UTRN: variants seen among roughly 807,000 people sequenced by gnomAD.
The protein encoded by UTRN is utrophin, also known as dystrophin-related protein 1.
UTRN carries 283 observed loss-of-function variants against 463.9 expected under a neutral mutation model. The ratio of observed to expected loss-of-function variants is 0.61; its 90% CI spans 0.55 to 0.67. The LOEUF (loss-of-function observed/expected upper bound fraction) is 0.67. UTRN is among the 30% of genes least tolerant of loss of function. UTRN has a pLI of 0.00. For missense variants in UTRN, 3,922 were observed against 4,084.3 expected (o/e 0.96, Z 1.08); for synonymous variants, 1,442 against 1,431.5 (o/e 1.01, Z -0.17).
chr6:144,485,406 G>A lies in UTRN; in HGVS notation c.3709G>A (p.Glu1237Lys). ...TTAGGAGGTCTGGTCTTGTTGGATTGAACTGCTTCACTATTTGGATCTTGA... is the reference window on the plus strand; with the variant it reads ...TTAGGAGGTCTGGTCTTGTTGGATTAAACTGCTTCACTATTTGGATCTTGA... ...TLEEVWSCWI[E>K]LLHYLDLETT... is the part of the protein sequence containing the mutation. Residue 1237 changes from glutamate to lysine, a missense_variant, in exon 28 of 75, where the codon GAA becomes AAA. By Grantham distance (56) the Glu-to-Lys change is moderately conservative (BLOSUM62 1). This residue lies in a region of UTRN where 2,349 missense variants were observed against 2,303.8 expected (regional missense o/e 1.02). Transcript: ENST00000367545. The A allele has an allele frequency of 6.2e-7, 1 of 1,614,102 alleles. No homozygotes were observed. Among genetic ancestry groups the A allele is most frequent in the Non-Finnish European group, 8.5e-7 (1 of 1,180,006 alleles).
intron 2 of UTRN, among the ~76,000 whole-genome samples, chr6:144,323,574 T>G (rs1243219247): frequency 6.6e-6 from 1 of 152,256 alleles, no homozygotes; most frequent in East Asian, 1.9e-4. Context: ...TAGCAATTAC[T>G]TTTATCTTTT....
At chr6:144,676,859 T>G (rs1313328255) in intron 51 of UTRN, among the ~76,000 whole-genome samples, 1 of 152,228 alleles carries the variant, frequency 6.6e-6, no homozygotes, top group Non-Finnish European at 1.5e-5. Flanking sequence ...TAGTTATAGT[T>G]ATGTAATATC....
chr6:144,522,706 C>G (rs1445923177), intron 40 of UTRN, among the ~76,000 whole-genome samples: 4 of 152,112 alleles, frequency 2.6e-5, no homozygotes, highest in Non-Finnish European at 5.9e-5. Context: ...GAAAATATCA[C>G]TATTTCCAGC....
intron 51 of UTRN, among the ~76,000 whole-genome samples, chr6:144,626,694 C>A (rs1775977614): frequency 6.6e-6 from 1 of 152,138 alleles, no homozygotes; most frequent in Non-Finnish European, 1.5e-5. Flanking sequence ...GCTAGAGATG[C>A]AGTGGCACAA....
chr6:144,810,976 T>C (rs188540463), intron 65 of UTRN, among the ~76,000 whole-genome samples: 1 of 152,336 alleles, frequency 6.6e-6, no homozygotes, highest in African/African-American at 2.4e-5. Flanking sequence ...GTATTCTTGT[T>C]GATATTGATT....
At chr6:144,720,424 C>T (rs1468456807) in intron 53 of UTRN, among the ~76,000 whole-genome samples, 1 of 152,184 alleles carries the variant, frequency 6.6e-6, no homozygotes, top group African/African-American at 2.4e-5. Flanking sequence ...ACACCAGTAG[C>T]ATCCAAAGAG....
intron 58 of UTRN, among the ~76,000 whole-genome samples, chr6:144,766,055 C>T (rs1053688246): frequency 9.9e-5 from 15 of 151,788 alleles, no homozygotes; most frequent in Non-Finnish European, 5.9e-5. Flanking sequence ...ATAAGTTATT[C>T]CTGCAGCTTT....
rs1398175455 is a variant in UTRN at position 144,700,177 on chromosome 6, G to A, written c.7743G>A (p.Glu2581=). 1.2e-6 allele frequency: 2 copies of A among 1,613,438 alleles called. No individual in the cohort carries two copies. The highest frequency in any genetic ancestry group is 1.1e-5 in the South Asian group (1 of 91,052). ...AATGGCTGAATATGAAAGATGAAGA[G>A]CTTAAGAAACAAATGCCTATTGGAG... The part of the protein sequence containing the change: ...LIKWLNMKDE[E]LKKQMPIGGD... The change falls in exon 53 of 75, where the codon GAG becomes GAA. Residue 2581 remains glutamate (E), a synonymous_variant. Coordinates refer to ENST00000367545, the MANE Select transcript of UTRN (RefSeq NM_007124.3).
chr6:144,464,710 G>A (rs1355362009), intron 23 of UTRN, among the ~76,000 whole-genome samples: 1 of 152,062 alleles, frequency 6.6e-6, no homozygotes, highest in East Asian at 1.9e-4. Context: ...ATGTTGGCCA[G>A]GCTGGTCTCA....
rs145903790 is a variant in UTRN, at chr6:144,559,300, A to G, written c.7289+1989A>G. On this transcript the variant is annotated intron_variant, in intron 50 of 74. Transcript: ENST00000367545. ...TGTCCTTATTGTGTTTTCTCTCTGC[A>G]TTTTCCGGGGGGTGGAAATAAGTAA... Among the ~76,000 whole-genome samples the G allele has an allele frequency of 3.3e-5, 5 of 152,094 alleles. No individual in the cohort carries two copies. In the East Asian group the frequency reaches 7.7e-4, roughly 24 times the overall value.
intron 66 of UTRN, among the ~76,000 whole-genome samples, chr6:144,826,732 G>A (rs1780221443): frequency 6.6e-6 from 1 of 152,122 alleles, no homozygotes; most frequent in South Asian, 2.1e-4. Flanking sequence ...ATCTCAGGAA[G>A]TTGCCTTCAG....
Position 144,851,625 on chromosome 6 carries a change from A to G in UTRN, c.*628A>G, listed in dbSNP as rs1431285997. 2 of 152,322 alleles carry G rather than the reference A, an allele frequency of 1.3e-5. No homozygotes were observed. Among genetic ancestry groups the G allele is most frequent in the African/African-American group, 4.8e-5 (2 of 41,446 alleles). The allele number at this position is 152,322 out of a possible 1,614,324, so 9.4% of individuals were successfully genotyped here. A position where few individuals can be genotyped will look rare whatever the true frequency, so the allele number is the denominator to read the frequency against. ...TATATACACACATATGGTTTAAGCT[A>G]CAGCCCTGTGTATGCCGTTTAACTT... On this transcript the variant is annotated 3_prime_UTR_variant, in exon 75 of 75. Coordinates refer to ENST00000367545, the MANE Select transcript of UTRN (RefSeq NM_007124.3).
At chr6:144,342,992 G>A (rs1777264462) in intron 2 of UTRN, among the ~76,000 whole-genome samples, 1 of 151,466 alleles carries the variant, frequency 6.6e-6, no homozygotes, top group Admixed American at 6.6e-5. Context: ...GAGAGAGAGA[G>A]TATTTTGCCA....
rs1005137841 is a variant in UTRN at position 144,332,670 on chromosome 6, A to G, written c.79+40763A>G. Among the ~76,000 whole-genome samples, 5 of 152,188 alleles carry G rather than the reference A, an allele frequency of 3.3e-5. No individual in the cohort carries two copies. In the East Asian group the frequency reaches 9.6e-4, roughly 29 times the overall value. On this transcript the variant is annotated intron_variant, in intron 2 of 74. Transcript: ENST00000367545. ...AACACAAGAAAAATTCATAGATTAA[A>G]AAAATTGAACAAAGAGTATCATTAA...
At chr6:144,705,913 A>G (rs556630270) in intron 53 of UTRN, among the ~76,000 whole-genome samples, 13 of 151,506 alleles carry the variant, frequency 8.6e-5, no homozygotes, top group Admixed American at 6.6e-5. Flanking sequence ...ATTAATTCAT[A>G]CTAATATAAA....
chr6:144,551,167 AC>A, intron 48 of UTRN, 85 bp downstream of exon 48: 2 of 795,028 alleles, frequency 2.5e-6, no homozygotes, highest in Non-Finnish European at 3.8e-6. Context: ...ACACACACAC[AC>A]AAACACATTT....
chr6:144,485,454 G>T lies in UTRN; in HGVS notation c.3757G>T (p.Glu1253Ter). Residue 1253 changes from glutamate (E) to a stop codon, truncating the protein, a stop_gained, in exon 28 of 75, where the codon GAA (glutamate) becomes TAA (stop). Transcript: ENST00000367545. LOFTEE classifies it high-confidence loss of function. ...TGAAACTACCTGGTTAAACACTTTG[G>T]AAGAGCGGATGAAGAGCACAGAGGT... Reference protein sequence around the residue: ...DLETTWLNTLEERMKSTEVLP... With the variant: ...DLETTWLNTL 6.2e-7 allele frequency: 1 copy of T among 1,614,188 alleles called. No individual in the cohort carries two copies. The highest frequency in any genetic ancestry group is 2.2e-5 in the East Asian group (1 of 44,884).
Position 144,751,806 on chromosome 6 carries a change from G to T in UTRN, c.8209G>T (p.Ala2737Ser). ...SLQDHIEKIM[A>S]FREEIAPINF... is the part of the protein sequence containing the mutation. The stretch of plus-strand genomic sequence containing the variant: ...TATATTTTTTGTTCTTTTCTTCTAG[G>T]CATTTAGAGAAGAAATTGCACCAAT... Residue 2737 changes from alanine (A) to serine (S), a missense_variant and splice_region_variant, in exon 56 of 75, where the codon GCA becomes TCA. Ala to Ser is a moderately conservative substitution (Grantham distance 99). Around this residue, in one of 3 missense-constraint regions of UTRN, gnomAD observed 1,309 missense variants for 1,452.6 expected, o/e 0.90. Transcript: ENST00000367545. 1.3e-6 allele frequency: 2 copies of T among 1,595,842 alleles called. No individual in the cohort carries two copies. Among genetic ancestry groups the T allele is most frequent in the South Asian group, 1.1e-5 (1 of 87,796 alleles).
rs36044387 is a variant in UTRN, at chr6:144,479,114, G to GTTT, written c.3337-678_3337-676dup. On this transcript the variant is annotated intron_variant, in intron 25 of 74. Coordinates refer to ENST00000367545, the MANE Select transcript of UTRN (RefSeq NM_007124.3). ...ATGGACATTTTGATTGCTTCTAGGG[G>GTTT]TTTTTTTTTTTTTTTTTTTTTTGAG... is the stretch of plus-strand genomic sequence containing the variant. Among the ~76,000 whole-genome samples, 504 of 114,746 alleles carry GTTT rather than the reference G, an allele frequency of 4.4e-3. 10 individuals are homozygous for GTTT. The highest frequency in any genetic ancestry group is 0.012 in the African/African-American group (320 of 27,632). The allele number at this position is 114,746 out of a possible 152,430, so 75.3% of individuals were successfully genotyped here.
Sources: gnomAD v4.1 joint callset for allele counts (sites outside exome capture counted in the v4.1 genomes callset) on GRCh38, gnomAD v4.1.1 for gene constraint, gnomAD v4.1.1 regional missense constraint, MANE v1.5 for transcripts, NCBI Gene and HGNC (gene_info 2026-07-23, HGNC 2026-07-21) for gene names.